The following PLXDC1 variants were observed in gnomAD, a reference collection of about 807,000 sequenced individuals.
The protein encoded by PLXDC1 is plexin domain containing 1.
In PLXDC1, 39 loss-of-function variants were observed where a neutral mutation model predicts 61.3. That is an observed-to-expected ratio of 0.64 (90% CI 0.49 to 0.83). PLXDC1 has a LOEUF of 0.83. PLXDC1 is among the 40% of genes least tolerant of loss of function. The pLI, the probability that PLXDC1 is intolerant of heterozygous loss-of-function variation, is 0.00. For missense variants in PLXDC1, 596 were observed against 666.5 expected (o/e 0.89, Z 1.17); for synonymous variants, 212 against 254.5 (o/e 0.83, Z 1.59).
At chr17:39,072,173 G>T in intron 12 of PLXDC1, 1 of 504,534 alleles carries the variant, frequency 2.0e-6, no homozygotes, top group South Asian at 2.5e-5. Flanking sequence ...TCCTTTCTGG[G>T]CAGTGAATAT....
chr17:39,100,894 C>T (rs998672411), intron 7 of PLXDC1, among the ~76,000 whole-genome samples: 4 of 152,244 alleles, frequency 2.6e-5, no homozygotes, highest in South Asian at 4.2e-4. Context: ...GTGGGAGGTA[C>T]GAGGGGGCTC....
rs1911965567 is a variant in PLXDC1, at chr17:39,142,464, G to C, written c.77-2632C>G. 2.6e-5 allele frequency among the ~76,000 whole-genome samples: 4 copies of C among 152,158 alleles called. No homozygotes were observed. The South Asian group carries it at 8.3e-4, about 32-fold the overall frequency. On this transcript the variant is annotated intron_variant, in intron 1 of 13. Transcript: ENST00000315392. ...GCGGCCATGCGAACCTCCATTTCTG[G>C]AGGTTGCGAAATGGCTTTAGGTTCC... is the stretch of plus-strand genomic sequence containing the variant.
At chr17:39,150,771 G>T (rs573309269) in intron 1 of PLXDC1, among the ~76,000 whole-genome samples, 1 of 152,170 alleles carries the variant, frequency 6.6e-6, no homozygotes, top group African/African-American at 2.4e-5. Context: ...TCTTGAGGCT[G>T]GGGGTGCAGA....
chr17:39,103,489 A>T (rs563805860), intron 7 of PLXDC1, among the ~76,000 whole-genome samples: 1 of 152,104 alleles, frequency 6.6e-6, no homozygotes. Flanking sequence ...GCCGCAATGA[A>T]CTATGATGGG....
At chr17:39,121,101 A>G (rs1278451088) in intron 2 of PLXDC1, among the ~76,000 whole-genome samples, 7 of 152,120 alleles carry the variant, frequency 4.6e-5, no homozygotes, top group Admixed American at 1.3e-4. Flanking sequence ...TCGGCCTCCC[A>G]AAGTGCTGGG....
In PLXDC1 at chr17:39,108,910, T is replaced by C. The variant is rs1288085410; in HGVS notation, c.463A>G (p.Thr155Ala). 1 of 1,612,602 alleles carries C rather than the reference T, an allele frequency of 6.2e-7. No homozygotes were observed. The highest frequency in any genetic ancestry group is 8.5e-7 in the Non-Finnish European group (1 of 1,178,990). Residue 155 changes from threonine to alanine, a missense_variant, in exon 4 of 14, where the codon ACT becomes GCT. Transcript: ENST00000315392. ...GHPLRQITIATGGFIFMGDVI... is the reference protein window; with the variant it reads ...GHPLRQITIAAGGFIFMGDVI... The stretch of plus-strand genomic sequence containing the variant: ...CCCCACGACGTGGCCTTACCTCCAG[T>C]TGCTATGGTGATCTGCCGCAGAGGA...
intron 2 of PLXDC1, among the ~76,000 whole-genome samples, chr17:39,128,084 T>TGTATATATATATATATATA (rs1567769434): frequency 4.9e-5 from 6 of 122,382 alleles, no homozygotes; most frequent in Non-Finnish European, 1.0e-4. Flanking sequence ...TCTCTCTCTC[T>TGTATATATATATATATATA]CTCTCTCTAT....
chr17:39,077,353 C>A (rs751666206), intron 11 of PLXDC1, among the ~76,000 whole-genome samples: 1 of 152,172 alleles, frequency 6.6e-6, no homozygotes, highest in Non-Finnish European at 1.5e-5. Context: ...TCAACCAAGA[C>A]CCCCAGGCCT....
intron 8 of PLXDC1, 128 bp downstream of exon 8, chr17:39,087,479 A>G (rs568886203): frequency 7.2e-6 from 5 of 696,138 alleles, no homozygotes; most frequent in African/African-American, 7.0e-5. Flanking sequence ...GGGTTACAAA[A>G]GAGAGATGGA....
intron 10 of PLXDC1, 83 bp downstream of exon 10, chr17:39,079,021 T>C (rs1461254042): frequency 5.4e-6 from 6 of 1,104,594 alleles, no homozygotes; most frequent in Middle Eastern, 2.7e-4. Context: ...TTGAGAAGAG[T>C]TTCCAGGGGC....
At chr17:39,089,231 C>A (rs1375112984) in intron 7 of PLXDC1, among the ~76,000 whole-genome samples, 1 of 152,204 alleles carries the variant, frequency 6.6e-6, no homozygotes, top group Non-Finnish European at 1.5e-5. Context: ...CTGCCATCTT[C>A]TTCCATGATC....
intron 2 of PLXDC1, among the ~76,000 whole-genome samples, chr17:39,136,444 C>T (rs946502769): frequency 4.6e-5 from 7 of 152,148 alleles, no homozygotes; most frequent in Non-Finnish European, 1.0e-4. Flanking sequence ...GGCAAGTTCT[C>T]GTTATGTTGC....
chr17:39,075,502 G>A (rs185616136), intron 11 of PLXDC1, among the ~76,000 whole-genome samples: 22 of 152,350 alleles, frequency 1.4e-4, no homozygotes, highest in African/African-American at 5.3e-4. Flanking sequence ...GATGAAACCT[G>A]ACTCTATCCC....
intron 7 of PLXDC1, among the ~76,000 whole-genome samples, chr17:39,088,943 GAAAAAAAA>G (rs56714275): frequency 1.4e-3 from 90 of 63,918 alleles, no homozygotes; most frequent in Non-Finnish European, 2.3e-3. Context: ...GAGCAAGACT[GAAAAAAAA>G]AAAAAAAAAA....
intron 2 of PLXDC1, chr17:39,131,794 G>A (rs1291524334): frequency 6.5e-6 from 1 of 152,802 alleles, no homozygotes; most frequent in Admixed American, 6.5e-5. Context: ...CAGGTTCTTG[G>A]AGGAGCACTG....
intron 12 of PLXDC1, 22 bp downstream of exon 12, chr17:39,072,428 G>A (rs1202896991): frequency 6.5e-7 from 1 of 1,533,520 alleles, no homozygotes; most frequent in African/African-American, 1.4e-5. Flanking sequence ...CTGACGCTGA[G>A]GGCAGGCAGT....
At chr17:39,090,239 A>G (rs1300732779) in intron 7 of PLXDC1, among the ~76,000 whole-genome samples, 1 of 152,182 alleles carries the variant, frequency 6.6e-6, no homozygotes, top group Non-Finnish European at 1.5e-5. Flanking sequence ...AGCCCCTGAA[A>G]CATTCAAGAC....
intron 7 of PLXDC1, among the ~76,000 whole-genome samples, chr17:39,095,997 G>A (rs1407037762): frequency 2.0e-5 from 3 of 152,204 alleles, no homozygotes; most frequent in Admixed American, 1.3e-4. Flanking sequence ...CAAGTGAGAG[G>A]TTTGCATGTC....
upstream of PLXDC1, chr17:39,152,895 C>T: frequency 5.2e-6 from 2 of 386,176 alleles, no homozygotes; most frequent in Non-Finnish European, 9.1e-6. Flanking sequence ...AGACTACCTC[C>T]TCCAGCCCTA....
Sources: gnomAD v4.1 joint callset for allele counts (sites outside exome capture counted in the v4.1 genomes callset) on GRCh38, gnomAD v4.1.1 for gene constraint, MANE v1.5 for transcripts, NCBI Gene and HGNC (gene_info 2026-07-23, HGNC 2026-07-21) for gene names.